The following TCF4 variants were observed in gnomAD, a reference collection of about 807,000 sequenced individuals.
TCF4 encodes the protein SL3-3 enhancer factor 2.
TCF4 carries 3 observed loss-of-function variants against 82.1 expected under a neutral mutation model. That is an observed-to-expected ratio of 0.04 (90% CI 0.02 to 0.09). The LOEUF is 0.09. Ranked by LOEUF, TCF4 falls within the 10% of genes least tolerant of loss-of-function variation. TCF4 has a pLI of 1.00. For missense variants in TCF4, 518 were observed against 852.7 expected, an observed-to-expected ratio of 0.61 and a Z score of 4.89; for synonymous variants, 276 against 309.6, an observed-to-expected ratio of 0.89 and a Z score of 1.14.
chr18:55,484,057 G>A (rs1030718017), intron 3 of TCF4, among the ~76,000 whole-genome samples: 4 of 152,194 alleles, frequency 2.6e-5, no homozygotes, highest in Admixed American at 2.6e-4. Context: ...AAGCTGGGAG[G>A]AGAACCTATA....
rs1242632642 is a variant in TCF4 at position 55,460,611 on chromosome 18, T to C, written c.304+408A>G. Among the ~76,000 whole-genome samples, 3 of 152,226 alleles carry C rather than the reference T, an allele frequency of 2.0e-5. No homozygotes were observed. In the East Asian group the frequency reaches 5.8e-4, roughly 29 times the overall value. On this transcript the variant is annotated intron_variant, in intron 5 of 19. Transcript: ENST00000354452. ...ACACCATTTATTTTCATAACCCCTT[T>C]AGCAGAAATCACAGTTAACACTGAC...
chr18:55,506,263 G>A (rs181894818), intron 3 of TCF4, among the ~76,000 whole-genome samples: 3 of 152,274 alleles, frequency 2.0e-5, no homozygotes, highest in Middle Eastern at 3.4e-3. Context: ...CTCATCCCAC[G>A]TGATTCTATC....
At chr18:55,280,839 C>T (rs1568663290) in intron 8 of TCF4, among the ~76,000 whole-genome samples, 1 of 151,946 alleles carries the variant, frequency 6.6e-6, no homozygotes, top group Non-Finnish European at 1.5e-5. Flanking sequence ...GCTCTCAGAA[C>T]ACCATGAATC....
Position 55,511,330 on chromosome 18 carries a change from T to TAAAAAAAAA in TCF4, c.146-47194_146-47193insTTTTTTTTT, listed in dbSNP as rs751932079. Among the ~76,000 whole-genome samples, 2 of 73,080 alleles carry TAAAAAAAAA rather than the reference T, an allele frequency of 2.7e-5. 1 individual carries two copies. The highest frequency in any genetic ancestry group is 7.2e-5 in the African/African-American group (2 of 27,776). The allele number at this position is 73,080 out of a possible 152,430, so 47.9% of individuals were successfully genotyped here. On this transcript the variant is annotated intron_variant, in intron 3 of 19. Coordinates refer to ENST00000354452, the MANE Select transcript of TCF4 (RefSeq NM_001083962.2). ...TAGGTAATAGAGTAATTCCAAAAGT[T>TAAAAAAAAA]TAAAAAAAAAAAAAAAAAAAGCATT...
At chr18:55,401,542 C>T in intron 6 of TCF4, 1 of 989,784 alleles carries the variant, frequency 1.0e-6, no homozygotes, top group Non-Finnish European at 1.2e-6. Flanking sequence ...CCAATCCATC[C>T]ACCTCTCTTC....
intron 3 of TCF4, among the ~76,000 whole-genome samples, chr18:55,520,455 A>G (rs2096923736): frequency 6.6e-6 from 1 of 152,172 alleles, no homozygotes; most frequent in African/African-American, 2.4e-5. Flanking sequence ...GTCTATATGT[A>G]TTTATATAGA....
chr18:55,251,937 T>G (rs955413559), intron 15 of TCF4, among the ~76,000 whole-genome samples: 8 of 151,410 alleles, frequency 5.3e-5, no homozygotes, highest in Admixed American at 2.0e-4. Context: ...GAGGTTTTTT[T>G]TTTTTTTTTT....
chr18:55,347,866 A>T (rs1419847232), intron 8 of TCF4, among the ~76,000 whole-genome samples: 2 of 152,218 alleles, frequency 1.3e-5, no homozygotes, highest in Non-Finnish European at 2.9e-5. Flanking sequence ...AAAACATATA[A>T]GTGTCTTATG....
intron 5 of TCF4, among the ~76,000 whole-genome samples, chr18:55,446,357 T>C (rs1208676675): frequency 6.6e-6 from 1 of 152,208 alleles, no homozygotes; most frequent in African/African-American, 2.4e-5. Flanking sequence ...TTTACTAACC[T>C]ACCATTGTTA....
intron 8 of TCF4, among the ~76,000 whole-genome samples, chr18:55,336,767 T>TC (rs2078729421): frequency 6.6e-6 from 1 of 152,162 alleles, no homozygotes; most frequent in Admixed American, 6.5e-5. Flanking sequence ...AATTCTGCTA[T>TC]TAAGAATCTT....
chr18:55,425,248 C>T (rs1389081434), intron 5 of TCF4, among the ~76,000 whole-genome samples: 2 of 152,128 alleles, frequency 1.3e-5, no homozygotes, highest in African/African-American at 4.8e-5. Flanking sequence ...CAACACTAGG[C>T]AGATTGGATT....
In TCF4 at chr18:55,224,678, A is replaced by T. The variant is rs1461795361; in HGVS notation, c.*3357T>A. On this transcript the variant is annotated 3_prime_UTR_variant, in exon 20 of 20. Coordinates refer to ENST00000354452, the MANE Select transcript of TCF4 (RefSeq NM_001083962.2). Reference sequence around the variant, plus strand: ...GAAATAGGAAAAAGTGAAAAATAAAAAGGAATCGGAAGACTGAATCAGAAC... The same window carrying T: ...GAAATAGGAAAAAGTGAAAAATAAATAGGAATCGGAAGACTGAATCAGAAC... The T allele has an allele frequency of 6.6e-6, 1 of 152,640 alleles. No homozygotes were observed. The highest frequency in any genetic ancestry group is 1.5e-5 in the Non-Finnish European group (1 of 68,032). The allele number at this position is 152,640 out of a possible 1,614,324, so 9.5% of individuals were successfully genotyped here.
chr18:55,480,368 A>C (rs1260552414), intron 3 of TCF4, among the ~76,000 whole-genome samples: 1 of 151,792 alleles, frequency 6.6e-6, no homozygotes, highest in African/African-American at 2.4e-5. Flanking sequence ...ATTTGACACC[A>C]AAAGGATACA....
intron 3 of TCF4, among the ~76,000 whole-genome samples, chr18:55,536,059 C>T (rs748629947): frequency 1.3e-4 from 20 of 152,122 alleles, no homozygotes; most frequent in Admixed American, 5.2e-4. Flanking sequence ...CTAGCCTGGA[C>T]CCAATATAAA....
chr18:55,474,175 A>G (rs753741446), intron 3 of TCF4, among the ~76,000 whole-genome samples: 2 of 152,204 alleles, frequency 1.3e-5, no homozygotes, highest in African/African-American at 4.8e-5. Flanking sequence ...GAAATACTTT[A>G]CACATCTGAA....
At chr18:55,441,623 C>T (rs1050680871) in intron 5 of TCF4, among the ~76,000 whole-genome samples, 23 of 151,956 alleles carry the variant, frequency 1.5e-4, no homozygotes, top group African/African-American at 5.3e-4. Context: ...ATGGTAGATA[C>T]CACCCAGTAA....
chr18:55,292,793 TACACATAC>T (rs2065403873), intron 8 of TCF4, among the ~76,000 whole-genome samples: 1 of 151,570 alleles, frequency 6.6e-6, no homozygotes, highest in South Asian at 2.1e-4. Context: ...TATATGTATA[TACACATAC>T]ACACATCCAT....
chr18:55,295,164 C>T (rs141366889), intron 8 of TCF4, among the ~76,000 whole-genome samples: 2 of 152,148 alleles, frequency 1.3e-5, no homozygotes, highest in African/African-American at 4.8e-5. Flanking sequence ...TTCTTCATCC[C>T]GTTGGCCTAC....
rs375489920 is a variant in TCF4, at chr18:55,539,926, T to C, written c.145+45354A>G. On this transcript the variant is annotated intron_variant, in intron 3 of 19. Coordinates refer to ENST00000354452, the MANE Select transcript of TCF4 (RefSeq NM_001083962.2). ...AATCGTTCATTTATTCAAAAAATGC[T>C]TCCACTTGCGCACCGGACATCCATT... Among the ~76,000 whole-genome samples, 3 of 152,146 alleles carry C rather than the reference T, an allele frequency of 2.0e-5. No individual in the cohort carries two copies. In the East Asian group the frequency reaches 5.8e-4, roughly 29 times the overall value.
Sources: allele counts gnomAD v4.1 joint callset (sites outside exome capture counted in the v4.1 genomes callset), GRCh38; gene constraint gnomAD v4.1.1; transcripts MANE v1.5; gene names NCBI Gene and HGNC (gene_info 2026-07-23, HGNC 2026-07-21).